Variants in SVOPL observed in about 807,000 individuals in gnomAD.
SVOPL encodes SVOP like, also known as putative transporter SVOPL.
In SVOPL, 60 loss-of-function variants were observed where a neutral mutation model predicts 61.0. That is an observed-to-expected ratio of 0.98 (90% CI 0.80 to 1.22). The LOEUF (loss-of-function observed/expected upper bound fraction) is 1.22, where lower values mean the gene tolerates loss of function less well. Among genes scored for constraint, SVOPL ranks in the 50% most tolerant of loss-of-function variants. SVOPL has a pLI of 0.00. For synonymous variants in SVOPL, 279 were observed against 250.0 expected (o/e 1.12, Z -1.09); for missense variants, 662 against 643.9 (o/e 1.03, Z -0.30).
chr7:138,602,078 G>C (rs1448775054), intron 14 of SVOPL, among the ~76,000 whole-genome samples: 1 of 152,086 alleles, frequency 6.6e-6, no homozygotes, highest in Non-Finnish European at 1.5e-5. Flanking sequence ...GCATGGTGGT[G>C]CATGCTTATA....
chr7:138,679,354 C>G (rs2117122987), intron 1 of SVOPL, among the ~76,000 whole-genome samples: 2 of 152,228 alleles, frequency 1.3e-5, no homozygotes, highest in Non-Finnish European at 2.9e-5. Context: ...ACTACAACCT[C>G]CGCCTTCTGA....
chr7:138,612,605 C>G (rs1327788384), intron 14 of SVOPL, among the ~76,000 whole-genome samples: 2 of 151,318 alleles, frequency 1.3e-5, no homozygotes, highest in Non-Finnish European at 2.9e-5. Flanking sequence ...ACCTCCGCCT[C>G]CCAGGTTCTA....
intron 14 of SVOPL, among the ~76,000 whole-genome samples, chr7:138,604,176 CTGGTCT>C (rs1798651187): frequency 6.6e-6 from 1 of 151,870 alleles, no homozygotes; most frequent in Non-Finnish European, 1.5e-5. Flanking sequence ...GTTGCTCAGG[CTGGTCT>C]CAGACTCCCA....
chr7:138,687,655 T>G (rs148483298), intron 1 of SVOPL, among the ~76,000 whole-genome samples: 1 of 150,408 alleles, frequency 6.6e-6, no homozygotes, highest in African/African-American at 2.5e-5. Context: ...TAATAAAAAT[T>G]TAAAACTTTT....
At chr7:138,647,847 CA>C (rs33996391) in intron 8 of SVOPL, among the ~76,000 whole-genome samples, 71,675 of 102,914 alleles carry the variant, frequency 0.7, 22,623 homozygotes, top group Admixed American at 0.74. Flanking sequence ...GACTCCGTTT[CA>C]AAAAAAAAAA....
chr7:138,630,971 CAAGG>C (rs1233996010), intron 9 of SVOPL, among the ~76,000 whole-genome samples: 2 of 123,118 alleles, frequency 1.6e-5, no homozygotes, highest in Non-Finnish European at 1.8e-5. Flanking sequence ...AAAAAAAAAG[CAAGG>C]AAGAGTTACA....
intron 1 of SVOPL, among the ~76,000 whole-genome samples, chr7:138,680,146 G>A (rs890430319): frequency 7.9e-5 from 12 of 151,426 alleles, no homozygotes; most frequent in Non-Finnish European, 1.5e-4. Flanking sequence ...TATTTCCAGT[G>A]TGCTTTCTTG....
chr7:138,697,644 T>A (rs945251372), intron 1 of SVOPL, among the ~76,000 whole-genome samples: 74 of 96,718 alleles, frequency 7.7e-4, no homozygotes, highest in South Asian at 1.0e-3. Context: ...GAAGAAGAAG[T>A]GGAAGAGGAA....
chr7:138,606,343 G>A (rs1019172032), intron 14 of SVOPL, among the ~76,000 whole-genome samples: 8 of 152,040 alleles, frequency 5.3e-5, no homozygotes, highest in African/African-American at 1.9e-4. Flanking sequence ...CTGTGGAGAG[G>A]GGACCCAGAA....
intron 1 of SVOPL, among the ~76,000 whole-genome samples, chr7:138,696,220 G>GT (rs995659036): frequency 4.6e-5 from 7 of 151,486 alleles, no homozygotes; most frequent in South Asian, 4.2e-4. Context: ...AGGCAGGTCT[G>GT]TTTTTTTTCT....
chr7:138,604,697 A>AC (rs1324824825), intron 14 of SVOPL, among the ~76,000 whole-genome samples: 1 of 150,852 alleles, frequency 6.6e-6, no homozygotes, highest in Non-Finnish European at 1.5e-5. Flanking sequence ...AAAAAAAAAA[A>AC]AAAGTTAATA....
At chr7:138,633,432 C>T (rs1563105768) in intron 9 of SVOPL, among the ~76,000 whole-genome samples, 1 of 152,034 alleles carries the variant, frequency 6.6e-6, no homozygotes, top group South Asian at 2.1e-4. Flanking sequence ...TTAAAAGAGC[C>T]TCGCACCTCT....
chr7:138,608,641 G>C (rs147140604), intron 14 of SVOPL, among the ~76,000 whole-genome samples: 1 of 152,028 alleles, frequency 6.6e-6, no homozygotes, highest in Non-Finnish European at 1.5e-5. Context: ...GGACATGTAC[G>C]ATGTGGGCAC....
chr7:138,618,648 G>A lies in SVOPL; in HGVS notation c.1353+2398C>T, dbSNP rs563193873. ...TGCACTCCAGCCTGGGTGACAGAGC[G>A]AGACAGAGAGAGAGAGAGCACGCAA... On this transcript the variant is annotated intron_variant, in intron 14 of 15. Transcript: ENST00000674285. Among the ~76,000 whole-genome samples, 149 of 152,114 alleles carry A rather than the reference G, an allele frequency of 9.8e-4. 1 individual carries two copies. The Middle Eastern group carries it at 0.017, about 17-fold the overall frequency.
chr7:138,614,987 G>A (rs559913720), intron 14 of SVOPL, among the ~76,000 whole-genome samples: 11 of 152,260 alleles, frequency 7.2e-5, no homozygotes, highest in East Asian at 1.9e-4. Context: ...AATCACAGCC[G>A]CACACCGTGA....
intron 1 of SVOPL, among the ~76,000 whole-genome samples, chr7:138,685,904 A>G (rs7793516): frequency 0.3 from 44,739 of 151,536 alleles, 7,418 homozygotes; most frequent in African/African-American, 0.43. Context: ...TAATAAATAA[A>G]AAGGCTAGAG....
At chr7:138,632,430 A>G (rs1584806861) in intron 9 of SVOPL, among the ~76,000 whole-genome samples, 1 of 150,492 alleles carries the variant, frequency 6.6e-6, no homozygotes, top group African/African-American at 2.5e-5. Flanking sequence ...GCAAGACTCC[A>G]TCTCAAAAAA....
intron 14 of SVOPL, among the ~76,000 whole-genome samples, chr7:138,599,136 G>A (rs1371985654): frequency 4.5e-5 from 3 of 67,266 alleles, no homozygotes; most frequent in Non-Finnish European, 5.0e-5. Flanking sequence ...AGTGAGATCC[G>A]TCTCCAAAAA....
At chr7:138,613,901 T>C (rs931926876) in intron 14 of SVOPL, among the ~76,000 whole-genome samples, 6 of 152,078 alleles carry the variant, frequency 3.9e-5, no homozygotes, top group African/African-American at 1.4e-4. Flanking sequence ...CATTAACCAG[T>C]TTGCGATTTT....
Sources: allele counts gnomAD v4.1 joint callset (sites outside exome capture counted in the v4.1 genomes callset), GRCh38; gene constraint gnomAD v4.1.1; transcripts MANE v1.5; gene names NCBI Gene and HGNC (gene_info 2026-07-23, HGNC 2026-07-21).